The following SLC4A4 variants were observed in gnomAD, a reference collection of about 807,000 sequenced individuals.
The protein encoded by SLC4A4 is solute carrier family 4 member 4, also known as electrogenic sodium bicarbonate cotransporter 1.
In SLC4A4, 27 loss-of-function variants were observed where a neutral mutation model predicts 111.5. That is an observed-to-expected ratio of 0.24 (90% confidence interval 0.18 to 0.33). SLC4A4 has a LOEUF of 0.33. SLC4A4 is among the 10% of genes least tolerant of loss of function. The pLI is 1.00. For synonymous variants in SLC4A4, 443 were observed against 463.4 expected, an observed-to-expected ratio of 0.96 and a Z score of 0.57; for missense variants, 909 against 1,315.5, an observed-to-expected ratio of 0.69 and a Z score of 4.78.
intron 1 of SLC4A4, among the ~76,000 whole-genome samples, chr4:71,225,738 C>T (rs1034352618): frequency 6.6e-6 from 1 of 152,158 alleles, no homozygotes; most frequent in Non-Finnish European, 1.5e-5. Context: ...GGAGCTGACT[C>T]CCAGCCCTGT....
intron 3 of SLC4A4, among the ~76,000 whole-genome samples, chr4:71,332,364 C>G (rs571311847): frequency 1.3e-5 from 2 of 151,702 alleles, no homozygotes; most frequent in Non-Finnish European, 2.9e-5. Context: ...TAACCCTTAG[C>G]TTTGCCCTTT....
At chr4:71,076,564 G>C (rs541116597) in intron 1 of SLC4A4, among the ~76,000 whole-genome samples, 19 of 151,924 alleles carry the variant, frequency 1.3e-4, no homozygotes, top group African/African-American at 4.1e-4. Flanking sequence ...TTTAATCCTG[G>C]GCACTTTAAT....
chr4:71,546,557 C>A (rs373292288), intron 19 of SLC4A4, 29 bp downstream of exon 19: 8 of 1,589,524 alleles, frequency 5.0e-6, no homozygotes, highest in Non-Finnish European at 6.9e-6. Flanking sequence ...AAATGGCTCC[C>A]GAAAACACAC....
chr4:71,412,712 A>G (rs1235850468), intron 7 of SLC4A4, among the ~76,000 whole-genome samples: 1 of 152,162 alleles, frequency 6.6e-6, no homozygotes, highest in African/African-American at 2.4e-5. Context: ...TAGCACAGAA[A>G]TGGAGTATGA....
chr4:71,073,961 T>C (rs1221175901), intron 1 of SLC4A4, among the ~76,000 whole-genome samples: 15 of 151,982 alleles, frequency 9.9e-5, no homozygotes, highest in Admixed American at 9.8e-4. Flanking sequence ...GGTGTGTGCC[T>C]GTAGTCCCAG....
intron 12 of SLC4A4, among the ~76,000 whole-genome samples, chr4:71,457,451 G>T (rs539217350): frequency 6.6e-6 from 1 of 152,168 alleles, no homozygotes; most frequent in African/African-American, 2.4e-5. Context: ...TTTAGCTACG[G>T]CTTCTTTGAG....
chr4:71,517,288 GT>G (rs536407116), intron 16 of SLC4A4, among the ~76,000 whole-genome samples: 18 of 150,158 alleles, frequency 1.2e-4, no homozygotes, highest in African/African-American at 3.4e-4. Flanking sequence ...TCTTTTTATT[GT>G]TTTTTTTCTC....
chr4:71,330,607 A>G (rs1048432004), intron 3 of SLC4A4, among the ~76,000 whole-genome samples: 2 of 152,144 alleles, frequency 1.3e-5, no homozygotes, highest in African/African-American at 4.8e-5. Context: ...AAACTTAAAT[A>G]TTAGACCTAA....
chr4:71,546,328 G>A (rs1034317143), intron 18 of SLC4A4, 22 bp from the exon 19 acceptor site: 1 of 1,605,808 alleles, frequency 6.2e-7, no homozygotes, highest in East Asian at 2.2e-5. Flanking sequence ...TCTTCACATG[G>A]TTTTGTTATC....
chr4:71,444,138 G>A (rs1021731803), intron 8 of SLC4A4, among the ~76,000 whole-genome samples: 1 of 152,182 alleles, frequency 6.6e-6, no homozygotes, highest in Admixed American at 6.5e-5. Flanking sequence ...AGGAAAGAGG[G>A]GGGTGCATAT....
chr4:71,519,408 T>C (rs144812782), intron 16 of SLC4A4, among the ~76,000 whole-genome samples: 79 of 152,296 alleles, frequency 5.2e-4, no homozygotes, highest in Non-Finnish European at 8.1e-4. Flanking sequence ...AGAATAATGA[T>C]AGCATTCTAG....
intron 16 of SLC4A4, among the ~76,000 whole-genome samples, chr4:71,519,722 C>T (rs1732757512): frequency 1.3e-5 from 2 of 152,162 alleles, no homozygotes; most frequent in Admixed American, 1.3e-4. Flanking sequence ...GTAACCTCCG[C>T]CTCCTGGGTT....
intron 14 of SLC4A4, among the ~76,000 whole-genome samples, chr4:71,474,075 C>A (rs11940392): frequency 0.13 from 19,738 of 148,188 alleles, 1,554 homozygotes; most frequent in African/African-American, 0.22. Flanking sequence ...GTGGCACGTA[C>A]CTGTAGCTAC....
intron 2 of SLC4A4, among the ~76,000 whole-genome samples, chr4:71,131,532 A>G (rs920432591): frequency 1.3e-5 from 2 of 152,238 alleles, no homozygotes; most frequent in African/African-American, 4.8e-5. Flanking sequence ...AAAGCTCAGA[A>G]TAAGCAGCAT....
At chr4:71,111,958 A>G (rs554070798) in intron 2 of SLC4A4, among the ~76,000 whole-genome samples, 1 of 152,282 alleles carries the variant, frequency 6.6e-6, no homozygotes, top group Middle Eastern at 3.4e-3. Context: ...CGGCCTTCCA[A>G]AGTGCTGAGA....
intron 3 of SLC4A4, among the ~76,000 whole-genome samples, chr4:71,325,993 T>TTA (rs1157256613): frequency 1.3e-5 from 2 of 151,886 alleles, no homozygotes; most frequent in African/African-American, 4.8e-5. Context: ...TTTGAGGATT[T>TTA]TATATATATA....
intron 2 of SLC4A4, among the ~76,000 whole-genome samples, chr4:71,169,254 G>T (rs537337970): frequency 6.6e-6 from 1 of 151,818 alleles, no homozygotes; most frequent in Non-Finnish European, 1.5e-5. Context: ...GACCTCAGGT[G>T]ATCCACCTGC....
At chr4:71,187,245 C>G (rs1226603107), upstream of SLC4A4, 1 of 151,746 alleles carries the variant, frequency 6.6e-6, no homozygotes, top group Non-Finnish European at 1.5e-5. Context: ...CGCGGCCCCC[C>G]AGCCTCCAAC....
intron 5 of SLC4A4, among the ~76,000 whole-genome samples, chr4:71,352,720 T>C (rs1335691697): frequency 3.9e-5 from 6 of 152,218 alleles, no homozygotes; most frequent in Non-Finnish European, 8.8e-5. Context: ...TGCTGTCTAC[T>C]TACATGTCTA....
Sources: gnomAD v4.1 joint callset for allele counts (sites outside exome capture counted in the v4.1 genomes callset) on GRCh38, gnomAD v4.1.1 for gene constraint, MANE v1.5 for transcripts, NCBI Gene and HGNC (gene_info 2026-07-23, HGNC 2026-07-21) for gene names.